The following LRP2 variants were observed in gnomAD, a reference collection of about 807,000 sequenced individuals.
LRP2 encodes the protein LDL receptor related protein 2.
Under a neutral mutation model 531.0 loss-of-function variants are expected in LRP2, and 172 were observed. That is an observed-to-expected ratio of 0.32 (90% CI 0.29 to 0.37). LRP2 has a LOEUF of 0.37. Ranked by LOEUF, LRP2 falls within the 10% of genes least tolerant of loss-of-function variation. The pLI is 1.00. For missense variants in LRP2, 5,167 were observed against 5,868.3 expected (o/e 0.88, Z 3.90); for synonymous variants, 1,992 against 2,027.6 (o/e 0.98, Z 0.47).
intron 36 of LRP2, among the ~76,000 whole-genome samples, chr2:169,212,775 G>C (rs1365171478): frequency 6.7e-6 from 1 of 149,388 alleles, no homozygotes; most frequent in African/African-American, 2.5e-5. Flanking sequence ...TGGGGGAAGG[G>C]TGGGAGGGGG....
chr2:169,274,650 T>G (rs1245623478), intron 14 of LRP2, among the ~76,000 whole-genome samples: 2 of 152,138 alleles, frequency 1.3e-5, no homozygotes, highest in Non-Finnish European at 2.9e-5. Flanking sequence ...ACATGTCATT[T>G]TCTTCTATGG....
At chr2:169,312,510 T>C (rs1418317813) in intron 3 of LRP2, among the ~76,000 whole-genome samples, 2 of 152,186 alleles carry the variant, frequency 1.3e-5, no homozygotes, top group South Asian at 2.1e-4. Flanking sequence ...TTCTTTTCTT[T>C]AAGAATGTTG....
At chr2:169,352,107 G>A (rs192792831) in intron 1 of LRP2, among the ~76,000 whole-genome samples, 65 of 152,324 alleles carry the variant, frequency 4.3e-4, no homozygotes, top group African/African-American at 1.5e-3. Flanking sequence ...AGTGGGCTGT[G>A]TCAGGGGTGT....
intron 67 of LRP2, among the ~76,000 whole-genome samples, chr2:169,151,712 A>T (rs3944004): frequency 6.6e-6 from 1 of 152,014 alleles, no homozygotes; most frequent in Non-Finnish European, 1.5e-5. Flanking sequence ...AAGGCTGAGA[A>T]AGAGGTAAAA....
chr2:169,146,617 G>A (rs1465093372), intron 69 of LRP2, 122 bp downstream of exon 69: 2 of 733,500 alleles, frequency 2.7e-6, no homozygotes, highest in Non-Finnish European at 4.5e-6. Flanking sequence ...TGGAGGGGTG[G>A]TATCTAAAAA....
chr2:169,282,599 G>A (rs1378052020), intron 10 of LRP2, among the ~76,000 whole-genome samples: 2 of 152,144 alleles, frequency 1.3e-5, no homozygotes. Context: ...ACAATTAAAG[G>A]TGGGTGACAT....
chr2:169,262,871 C>T (rs1690625611), intron 16 of LRP2, among the ~76,000 whole-genome samples: 1 of 152,148 alleles, frequency 6.6e-6, no homozygotes, highest in Admixed American at 6.5e-5. Context: ...GTAAGCAAAA[C>T]AGCATGGTAC....
chr2:169,149,544 T>C (rs977925758), intron 68 of LRP2, among the ~76,000 whole-genome samples: 2 of 152,106 alleles, frequency 1.3e-5, no homozygotes, highest in African/African-American at 2.4e-5. Flanking sequence ...AAGACTAAAA[T>C]AAGAATTTCT....
chr2:169,248,288 C>A (rs1018049486), intron 19 of LRP2, among the ~76,000 whole-genome samples: 3 of 152,192 alleles, frequency 2.0e-5, no homozygotes, highest in African/African-American at 7.2e-5. Context: ...TGTGGATTTT[C>A]TCTTTAATGA....
rs762970208 is a variant in LRP2, at chr2:169,173,984, T to C, written c.10949A>G (p.Gln3650Arg). ...FRCANGRCIP[Q>R]AWKCDVDNDC... ...ATTATCCACATCACACTTCCAGGCC[T>C]GCGGGATGCAGCGGCCATTAGCACA... Residue 3650 changes from glutamine (Q) to arginine (R), a missense_variant, in exon 56 of 79, where the codon CAG (glutamine) becomes CGG (arginine). This residue lies in a region of LRP2 where 311 missense variants were observed against 309.4 expected (regional missense o/e 1.01). Coordinates refer to ENST00000649046, the MANE Select transcript of LRP2 (RefSeq NM_004525.3). 4 of 1,614,076 alleles carry C rather than the reference T, an allele frequency of 2.5e-6. No individual in the cohort carries two copies. The highest frequency in any genetic ancestry group is 2.5e-6 in the Non-Finnish European group (3 of 1,180,034).
At chr2:169,158,065 C>T (rs11900170) in intron 63 of LRP2, among the ~76,000 whole-genome samples, 5,740 of 135,256 alleles carry the variant, frequency 0.042, 139 homozygotes, top group African/African-American at 0.075. Context: ...ATTATATACA[C>T]ACACACACAC....
intron 4 of LRP2, among the ~76,000 whole-genome samples, chr2:169,295,871 T>C (rs1322395273): frequency 3.3e-5 from 5 of 152,316 alleles, no homozygotes; most frequent in African/African-American, 9.6e-5. Flanking sequence ...GACCATCTTC[T>C]TCATGAAAGA....
chr2:169,178,150 C>G, intron 52 of LRP2, 124 bp from the exon 53 acceptor site: 1 of 738,580 alleles, frequency 1.4e-6, no homozygotes, highest in Non-Finnish European at 2.4e-6. Flanking sequence ...AGTTCAGATC[C>G]TCAAAACTCC....
At chr2:169,247,051 A>T (rs1574177320) in intron 20 of LRP2, 65 bp from the exon 21 acceptor site, 3 of 1,568,912 alleles carry the variant, frequency 1.9e-6, no homozygotes, top group East Asian at 4.5e-5. Context: ...CACGGGTTTG[A>T]TTTGTGAAGG....
chr2:169,173,282 T>C, intron 56 of LRP2, 58 bp from the exon 57 acceptor site: 1 of 1,607,350 alleles, frequency 6.2e-7, no homozygotes, highest in Non-Finnish European at 8.5e-7. Flanking sequence ...CACCTTTCCA[T>C]TGTCACATTG....
At chr2:169,223,158 G>A (rs919639570) in intron 33 of LRP2, among the ~76,000 whole-genome samples, 1 of 152,168 alleles carries the variant, frequency 6.6e-6, no homozygotes, top group African/African-American at 2.4e-5. Flanking sequence ...CAGACTCAAA[G>A]CCAGGTCTTT....
chr2:169,231,213 G>A (rs939703549), intron 31 of LRP2, among the ~76,000 whole-genome samples: 1 of 151,816 alleles, frequency 6.6e-6, no homozygotes, highest in Non-Finnish European at 1.5e-5. Flanking sequence ...AGAATCACAG[G>A]GGCCCGGAAA....
chr2:169,341,327 A>G (rs1685556643), intron 1 of LRP2, among the ~76,000 whole-genome samples: 2 of 152,176 alleles, frequency 1.3e-5, no homozygotes, highest in Admixed American at 1.3e-4. Context: ...AAAAAAAATT[A>G]AAATTAAAAT....
chr2:169,205,883 C>G, intron 40 of LRP2, 140 bp downstream of exon 40: 2 of 1,202,600 alleles, frequency 1.7e-6, no homozygotes, highest in Non-Finnish European at 2.4e-6. Context: ...CGTAAAATCA[C>G]TCAATATGCT....
Sources: gnomAD v4.1 joint callset for allele counts (sites outside exome capture counted in the v4.1 genomes callset) on GRCh38, gnomAD v4.1.1 for gene constraint, gnomAD v4.1.1 regional missense constraint, MANE v1.5 for transcripts, NCBI Gene and HGNC (gene_info 2026-07-23, HGNC 2026-07-21) for gene names.